Variants in JKAMP observed in about 807,000 individuals in gnomAD.
JKAMP encodes JNK1/MAPK8-associated membrane protein.
In JKAMP, 20 loss-of-function variants were observed where a neutral mutation model predicts 40.2. The ratio of observed to expected loss-of-function variants is 0.50; its 90% CI spans 0.35 to 0.72. The LOEUF (loss-of-function observed/expected upper bound fraction) is 0.72, where lower values mean the gene tolerates loss of function less well. JKAMP is among the 30% of genes least tolerant of loss of function. The probability of loss-of-function intolerance (pLI) is 0.01; values close to 1 mark genes in which losing one functional copy is unlikely to be tolerated. For synonymous variants in JKAMP, 138 were observed against 131.6 expected (o/e 1.05, Z -0.33); for missense variants, 276 against 373.0 (o/e 0.74, Z 2.14).
rs879454522 is a variant in JKAMP, at chr14:59,485,339, C to CA, written c.4+754dup. The stretch of plus-strand genomic sequence containing the variant: ...AGAACATTGTGATTACAATTGGTTA[C>CA]AAAAAAAATAAGCGCCCATTAAAGA... On this transcript the variant is annotated intron_variant, in intron 1 of 6. Transcript: ENST00000616435. The CA allele has an allele frequency of 1.4e-4, 57 of 407,236 alleles. No individual in the cohort carries two copies. In the Middle Eastern group the frequency reaches 2.7e-3, roughly 19 times the overall value. The allele number at this position is 407,236 out of a possible 1,614,324, so 25.2% of individuals were successfully genotyped here.
intron 6 of JKAMP, among the ~76,000 whole-genome samples, chr14:59,503,464 A>G (rs1479562823): frequency 6.6e-6 from 1 of 152,176 alleles, no homozygotes; most frequent in African/African-American, 2.4e-5. Context: ...TGTACCTCCT[A>G]TTTCCCACCT....
At chr14:59,502,336 T>G (rs183583010) in intron 6 of JKAMP, among the ~76,000 whole-genome samples, 48 of 152,334 alleles carry the variant, frequency 3.2e-4, no homozygotes, top group Non-Finnish European at 6.0e-4. Flanking sequence ...CTTGCTAATC[T>G]AGGGACTATG....
Position 59,505,402 on chromosome 14 carries a change from C to T in JKAMP, c.*1330C>T. On this transcript the variant is annotated 3_prime_UTR_variant, in exon 7 of 7. Coordinates refer to ENST00000616435, the MANE Select transcript of JKAMP (RefSeq NM_016475.5). ...TAGTGTTCATTAAAATTCTGAGTTG[C>T]CCAAAGAATCCTCAATTGAGTAATT... 3 of 619,250 alleles carry T rather than the reference C, an allele frequency of 4.8e-6. No homozygotes were observed. The highest frequency in any genetic ancestry group is 1.8e-5 in the African/African-American group (1 of 54,088). 38.4% of individuals were successfully genotyped at this position (619,250 alleles called of 1,614,324 possible).
intron 3 of JKAMP, among the ~76,000 whole-genome samples, chr14:59,488,787 ACT>A (rs1890771866): frequency 6.6e-6 from 1 of 152,038 alleles, no homozygotes; most frequent in African/African-American, 2.4e-5. Flanking sequence ...TGTCTGAAAT[ACT>A]CTCTTCATCT....
intron 3 of JKAMP, 142 bp downstream of exon 3, chr14:59,487,970 T>C (rs1890707771): frequency 1.2e-6 from 1 of 825,064 alleles, no homozygotes; most frequent in East Asian, 2.5e-5. Context: ...TTCTTAACTG[T>C]GACAAGAAAA....
intron 5 of JKAMP, among the ~76,000 whole-genome samples, chr14:59,499,143 C>T (rs1031611466): frequency 2.0e-5 from 3 of 149,072 alleles, no homozygotes; most frequent in Non-Finnish European, 3.0e-5. Context: ...CCTGCCTCAG[C>T]CTCCCAAGTA....
chr14:59,504,893 A>G lies in JKAMP; in HGVS notation c.*821A>G, dbSNP rs11545225. The G allele has an allele frequency of 0.57, 93,557 of 162,874 alleles. 28,818 individuals carry two copies. Among genetic ancestry groups the G allele is most frequent in the East Asian group, 0.82 (4,784 of 5,858 alleles). The allele number at this position is 162,874 out of a possible 1,614,324, so 10.1% of individuals were successfully genotyped here. On this transcript the variant is annotated 3_prime_UTR_variant, in exon 7 of 7. Transcript: ENST00000616435. ...CATCTTACAACTGATGGCTTATTAG[A>G]TTTAATGAAATACAGAAGATACACA... is the stretch of plus-strand genomic sequence containing the variant.
Position 59,504,285 on chromosome 14 carries a change from A to G in JKAMP, c.*213A>G. On this transcript the variant is annotated 3_prime_UTR_variant, in exon 7 of 7. Coordinates refer to ENST00000616435, the MANE Select transcript of JKAMP (RefSeq NM_016475.5). Reference sequence around the variant, plus strand: ...ATACTCTGTTACACAGGGTAATATTATCTGCTACACTGGAAGGCCGCTAGG... The same window carrying G: ...ATACTCTGTTACACAGGGTAATATTGTCTGCTACACTGGAAGGCCGCTAGG... 7.5e-6 allele frequency: 4 copies of G among 532,956 alleles called. No homozygotes were observed. Among genetic ancestry groups the G allele is most frequent in the Middle Eastern group, 4.9e-4 (1 of 2,028 alleles). 33.0% of individuals were successfully genotyped at this position (532,956 alleles called of 1,614,324 possible). A position where few individuals can be genotyped will look rare whatever the true frequency, so the allele number is the denominator to read the frequency against.
Position 59,504,230 on chromosome 14 carries a change from T to G in JKAMP, c.*158T>G. 1 of 613,592 alleles carries G rather than the reference T, an allele frequency of 1.6e-6. No individual in the cohort carries two copies. 38.0% of individuals were successfully genotyped at this position (613,592 alleles called of 1,614,324 possible). A position where few individuals can be genotyped will look rare whatever the true frequency, so the allele number is the denominator to read the frequency against. On this transcript the variant is annotated 3_prime_UTR_variant, in exon 7 of 7. Coordinates refer to ENST00000616435, the MANE Select transcript of JKAMP (RefSeq NM_016475.5). ...GTCTTTGTTTTGTTTATGGTTAGAC[T>G]TACAGACTTGGAAAATGCAAAACTC... is the stretch of plus-strand genomic sequence containing the variant.
intron 1 of JKAMP, among the ~76,000 whole-genome samples, chr14:59,486,124 A>C (rs1359671944): frequency 6.6e-6 from 1 of 152,226 alleles, no homozygotes; most frequent in Non-Finnish European, 1.5e-5. Context: ...ATATTGGCCC[A>C]GTGACAGCCT....
At chr14:59,497,058 T>G (rs924225169) in intron 4 of JKAMP, among the ~76,000 whole-genome samples, 3 of 151,872 alleles carry the variant, frequency 2.0e-5, no homozygotes, top group African/African-American at 7.3e-5. Flanking sequence ...CAGAAACCTT[T>G]GGAACACTAG....
chr14:59,490,265 G>GT (rs2139868604), intron 3 of JKAMP, among the ~76,000 whole-genome samples: 1 of 152,272 alleles, frequency 6.6e-6, no homozygotes, highest in African/African-American at 2.4e-5. Flanking sequence ...AACTCACAGA[G>GT]TGAGAACTCA....
chr14:59,488,928 A>G (rs1006893290), intron 3 of JKAMP, among the ~76,000 whole-genome samples: 2 of 152,274 alleles, frequency 1.3e-5, no homozygotes, highest in African/African-American at 4.8e-5. Flanking sequence ...AGAGAAAAAT[A>G]AGGAAGACAG....
In JKAMP at chr14:59,501,282, T is replaced by C; in HGVS notation, c.717+15T>C. On this transcript the variant is annotated intron_variant, in intron 6 of 6. Coordinates refer to ENST00000616435, the MANE Select transcript of JKAMP (RefSeq NM_016475.5). ...CTGAAATAGAGGTAGGAAGTCTTTT[T>C]TTCCTTTGTTAAAGACTTTTTGATA... 1 of 1,526,968 alleles carries C rather than the reference T, an allele frequency of 6.5e-7. No individual in the cohort carries two copies. The allele number at this position is 1,526,968 out of a possible 1,614,324, so 94.6% of individuals were successfully genotyped here.
In JKAMP at chr14:59,504,892, G is replaced by A. The variant is rs1892231431; in HGVS notation, c.*820G>A. The stretch of plus-strand genomic sequence containing the variant: ...GCATCTTACAACTGATGGCTTATTA[G>A]ATTTAATGAAATACAGAAGATACAC... On this transcript the variant is annotated 3_prime_UTR_variant, in exon 7 of 7. Transcript: ENST00000616435. The A allele has an allele frequency of 6.1e-6, 1 of 163,184 alleles. No homozygotes were observed. The highest frequency in any genetic ancestry group is 1.9e-4 in the South Asian group (1 of 5,142). 10.1% of individuals were successfully genotyped at this position (163,184 alleles called of 1,614,324 possible).
At chr14:59,496,228 T>C (rs1273879289) in intron 4 of JKAMP, among the ~76,000 whole-genome samples, 1 of 151,686 alleles carries the variant, frequency 6.6e-6, no homozygotes, top group East Asian at 1.9e-4. Flanking sequence ...TTCTTAGGTA[T>C]GGCAAATTAT....
In JKAMP at chr14:59,495,005, T is replaced by C; in HGVS notation, c.252-13T>C. Reference sequence around the variant, plus strand: ...CAATTTTTCTAGTAATCATGCCTCTTTTCCTTCTCTAGTTCCAGCGCACTT... The same window carrying C: ...CAATTTTTCTAGTAATCATGCCTCTCTTCCTTCTCTAGTTCCAGCGCACTT... On this transcript the variant is annotated splice_polypyrimidine_tract_variant and intron_variant, in intron 3 of 6. Transcript: ENST00000616435. The C allele has an allele frequency of 6.2e-7, 1 of 1,604,894 alleles. No individual in the cohort carries two copies. Among genetic ancestry groups the C allele is most frequent in the Non-Finnish European group, 8.5e-7 (1 of 1,172,150 alleles).
intron 5 of JKAMP, among the ~76,000 whole-genome samples, chr14:59,499,778 T>C (rs574778943): frequency 1.3e-5 from 2 of 152,244 alleles, no homozygotes; most frequent in South Asian, 4.1e-4. Context: ...AACCAGAAAT[T>C]CTGTTATCCG....
rs1391249155 is a variant in JKAMP at position 59,486,779 on chromosome 14, C to A, written c.71C>A (p.Ser24Ter). ...AAGACCCTATTATTTAAAAATGGCT[C>A]AACTGAAATATATGGAGAATGTGGG... ...CGKTLLFKNG[S>*]TEIYGECGVC... is the part of the protein sequence containing the mutation. The change falls in exon 2 of 7, where the codon TCA (serine) becomes TAA (stop). Residue 24 changes from serine to a stop codon, truncating the protein, a stop_gained. Coordinates refer to ENST00000616435, the MANE Select transcript of JKAMP (RefSeq NM_016475.5). LOFTEE classifies it high-confidence loss of function. 6.3e-7 allele frequency: 1 copy of A among 1,587,456 alleles called. No homozygotes were observed. The highest frequency in any genetic ancestry group is 2.3e-5 in the East Asian group (1 of 44,296).
Sources: gnomAD v4.1 joint callset for allele counts (sites outside exome capture counted in the v4.1 genomes callset) on GRCh38, gnomAD v4.1.1 for gene constraint, MANE v1.5 for transcripts, NCBI Gene and HGNC (gene_info 2026-07-23, HGNC 2026-07-21) for gene names.